Variants in BCAT1 observed in about 807,000 individuals in gnomAD.
BCAT1 encodes the protein branched-chain-amino-acid aminotransferase, cytosolic.
A neutral mutation model predicts 52.4 loss-of-function variants in BCAT1; 48 were observed. The observed-to-expected ratio is 0.92, with a 90% confidence interval of 0.73 to 1.16. The LOEUF (loss-of-function observed/expected upper bound fraction) is 1.16. Ranked by LOEUF, BCAT1 falls within the 50% of genes most tolerant of loss-of-function variation. BCAT1 has a pLI of 0.00. For synonymous variants in BCAT1, 167 were observed against 161.3 expected, an observed-to-expected ratio of 1.04 and a Z score of -0.27; for missense variants, 451 against 457.1, an observed-to-expected ratio of 0.99 and a Z score of 0.12.
At chr12:24,823,261 G>C (rs1307155571) in intron 10 of BCAT1, among the ~76,000 whole-genome samples, 1 of 151,880 alleles carries the variant, frequency 6.6e-6, no homozygotes, top group Non-Finnish European at 1.5e-5. Flanking sequence ...TTTTTGTAGA[G>C]ACAGGGATTT....
intron 1 of BCAT1, among the ~76,000 whole-genome samples, chr12:24,936,712 A>ATCTCTCTC (rs112458468): frequency 3.6e-5 from 4 of 112,104 alleles, no homozygotes; most frequent in Admixed American, 8.6e-5. Flanking sequence ...TTAAATCTCA[A>ATCTCTCTC]TCTCTCTCTC....
chr12:24,931,654 A>T (rs1208897050), intron 1 of BCAT1, among the ~76,000 whole-genome samples: 1 of 152,234 alleles, frequency 6.6e-6, no homozygotes, highest in African/African-American at 2.4e-5. Context: ...CTGACGAAAA[A>T]TCATTTCTAA....
chr12:24,866,800 C>T (rs1228771680), intron 5 of BCAT1, among the ~76,000 whole-genome samples: 5 of 152,150 alleles, frequency 3.3e-5, no homozygotes, highest in African/African-American at 1.2e-4. Context: ...CCTGACAAAA[C>T]AGACCAATCA....
At chr12:24,862,095 G>A (rs746925064) in intron 5 of BCAT1, among the ~76,000 whole-genome samples, 6 of 152,126 alleles carry the variant, frequency 3.9e-5, no homozygotes, top group Non-Finnish European at 8.8e-5. Flanking sequence ...TCCACCCCTT[G>A]CTTAGCATAT....
Position 24,929,069 on chromosome 12 carries a change from G to A in BCAT1, c.6+19858C>T, listed in dbSNP as rs138205207. Among the ~76,000 whole-genome samples the A allele has an allele frequency of 6.5e-3, 982 of 152,202 alleles. 13 individuals are homozygous for A. The highest frequency in any genetic ancestry group is 0.021 in the African/African-American group (890 of 41,530). The stretch of plus-strand genomic sequence containing the variant: ...AACCACCGCTCCCAGCCCGTGAAAT[G>A]TTAAATATGCCTTTCTCAAATGAAA... On this transcript the variant is annotated intron_variant, in intron 1 of 10. Coordinates refer to ENST00000261192, the MANE Select transcript of BCAT1 (RefSeq NM_005504.7).
intron 10 of BCAT1, among the ~76,000 whole-genome samples, chr12:24,819,391 A>C (rs912962179): frequency 2.6e-5 from 4 of 152,222 alleles, no homozygotes; most frequent in Admixed American, 2.0e-4. Context: ...GTTAATAACC[A>C]TCTAAAAGGT....
At chr12:24,908,419 GTTTCATTTTAA>G (rs1943260245) in intron 1 of BCAT1, among the ~76,000 whole-genome samples, 1 of 152,144 alleles carries the variant, frequency 6.6e-6, no homozygotes, top group Admixed American at 6.5e-5. Flanking sequence ...TTTTAATCTT[GTTTCATTTTAA>G]TTTATATTTA....
intron 1 of BCAT1, among the ~76,000 whole-genome samples, chr12:24,933,494 T>C (rs931122500): frequency 2.0e-5 from 3 of 152,132 alleles, no homozygotes; most frequent in African/African-American, 4.8e-5. Flanking sequence ...CTTTACCTGC[T>C]CTTCACCCTC....
At chr12:24,872,426 C>G (rs1289717724) in intron 5 of BCAT1, among the ~76,000 whole-genome samples, 1 of 152,138 alleles carries the variant, frequency 6.6e-6, no homozygotes, top group Non-Finnish European at 1.5e-5. Flanking sequence ...TAAGATTTCC[C>G]AGGAAGTTGC....
chr12:24,822,664 T>C (rs758006980), intron 10 of BCAT1, among the ~76,000 whole-genome samples: 1 of 152,222 alleles, frequency 6.6e-6, no homozygotes, highest in Admixed American at 6.5e-5. Flanking sequence ...TGAGACGTGC[T>C]CTTCAATTCT....
intron 1 of BCAT1, among the ~76,000 whole-genome samples, chr12:24,939,713 T>C (rs1310480519): frequency 6.6e-6 from 1 of 152,154 alleles, no homozygotes; most frequent in Non-Finnish European, 1.5e-5. Flanking sequence ...GGCAGGCATC[T>C]GTAATCCCAG....
At chr12:24,896,372 A>G (rs1942960525) in intron 2 of BCAT1, among the ~76,000 whole-genome samples, 1 of 152,214 alleles carries the variant, frequency 6.6e-6, no homozygotes, top group African/African-American at 2.4e-5. Flanking sequence ...TGTTATTGGA[A>G]CATAGTCACG....
At chr12:24,945,635 C>G (rs1943923846) in intron 1 of BCAT1, 1 of 152,140 alleles carries the variant, frequency 6.6e-6, no homozygotes, top group Non-Finnish European at 1.5e-5. Flanking sequence ...GAGTTCCAGA[C>G]CAGCCTGGCC....
chr12:24,907,189 C>T (rs1332166663), intron 1 of BCAT1, among the ~76,000 whole-genome samples: 2 of 152,220 alleles, frequency 1.3e-5, no homozygotes. Flanking sequence ...CTGTAACATT[C>T]CCTGCCTTTG....
intron 3 of BCAT1, among the ~76,000 whole-genome samples, chr12:24,888,394 G>C (rs1942742822): frequency 6.6e-6 from 1 of 152,346 alleles, no homozygotes; most frequent in Non-Finnish European, 1.5e-5. Flanking sequence ...AGCTACCTGG[G>C]AGGCTGAGGG....
chr12:24,942,558 A>AGAG (rs11442641), intron 1 of BCAT1, among the ~76,000 whole-genome samples: 1 of 150,726 alleles, frequency 6.6e-6, no homozygotes, highest in African/African-American at 2.4e-5. Flanking sequence ...AAAAAAAAAA[A>AGAG]AGATGGCTGG....
intron 3 of BCAT1, among the ~76,000 whole-genome samples, chr12:24,884,231 G>A (rs1942590259): frequency 6.6e-6 from 1 of 152,144 alleles, no homozygotes; most frequent in Non-Finnish European, 1.5e-5. Context: ...TATGCTAAGT[G>A]AAACAAGACA....
At chr12:24,904,670 T>C (rs965200338) in intron 1 of BCAT1, 3 of 152,246 alleles carry the variant, frequency 2.0e-5, no homozygotes, top group African/African-American at 7.2e-5. Flanking sequence ...ATATATTTTT[T>C]CAGTCCATCT....
At position 24,812,186 on chromosome 12, in the gene BCAT1, T is replaced by A. The variant is rs1939709100; in HGVS notation, c.*5822A>T. The A allele has an allele frequency of 6.6e-6, 1 of 152,124 alleles. No homozygotes were observed. The highest frequency in any genetic ancestry group is 1.5e-5 in the Non-Finnish European group (1 of 67,962). 9.4% of individuals were successfully genotyped at this position (152,124 alleles called of 1,614,324 possible). ...TTAACCCTGAGAATGAGTTTAATGA[T>A]CATAGGAAACTAGTTTGAGGAAACT... On this transcript the variant is annotated 3_prime_UTR_variant, in exon 11 of 11. Transcript: ENST00000261192.
Sources: gnomAD v4.1 joint callset for allele counts (sites outside exome capture counted in the v4.1 genomes callset) on GRCh38, gnomAD v4.1.1 for gene constraint, MANE v1.5 for transcripts, NCBI Gene and HGNC (gene_info 2026-07-23, HGNC 2026-07-21) for gene names.